PIK3C3: variants seen among roughly 807,000 people sequenced by gnomAD.
The protein encoded by PIK3C3 is phosphatidylinositol 3-kinase catalytic subunit type 3.
Under a neutral mutation model 126.1 loss-of-function variants are expected in PIK3C3, and 95 were observed. That is an observed-to-expected ratio of 0.75 (90% CI 0.64 to 0.89). The LOEUF is 0.89. Ranked by LOEUF, PIK3C3 falls within the 40% of genes least tolerant of loss-of-function variation. The probability of loss-of-function intolerance (pLI) is 0.00; values close to 1 mark genes in which losing one functional copy is unlikely to be tolerated. For missense variants in PIK3C3, 829 were observed against 1,063.2 expected (o/e 0.78, Z 3.06); for synonymous variants, 374 against 360.0 (o/e 1.04, Z -0.44).
At chr18:42,067,946 A>G (rs1343411206) in intron 24 of PIK3C3, among the ~76,000 whole-genome samples, 5 of 152,244 alleles carry the variant, frequency 3.3e-5, no homozygotes, top group Non-Finnish European at 7.3e-5. Context: ...GTATCCACAG[A>G]TAAGTGAGGG....
chr18:41,990,903 G>A (rs1300978163), intron 6 of PIK3C3, among the ~76,000 whole-genome samples: 1 of 152,132 alleles, frequency 6.6e-6, no homozygotes, highest in African/African-American at 2.4e-5. Context: ...ATATTTCTAA[G>A]TGGTAGGCTA....
chr18:41,964,644 C>T (rs974640161), intron 3 of PIK3C3, among the ~76,000 whole-genome samples: 1 of 151,964 alleles, frequency 6.6e-6, no homozygotes, highest in Non-Finnish European at 1.5e-5. Flanking sequence ...AAGGATAATT[C>T]TTATTAGTCT....
intron 9 of PIK3C3, among the ~76,000 whole-genome samples, chr18:42,000,844 C>T (rs908567101): frequency 6.6e-6 from 1 of 152,120 alleles, no homozygotes; most frequent in East Asian, 1.9e-4. Flanking sequence ...GACCTGCCCA[C>T]GTGATTCAGT....
chr18:41,965,446 T>C (rs1265061566), intron 3 of PIK3C3, among the ~76,000 whole-genome samples: 1 of 152,208 alleles, frequency 6.6e-6, no homozygotes, highest in Non-Finnish European at 1.5e-5. Context: ...TTAGTTTGGC[T>C]TCTGGCACGT....
intron 2 of PIK3C3, 85 bp downstream of exon 2, chr18:41,957,843 T>C: frequency 9.4e-7 from 1 of 1,064,706 alleles, no homozygotes; most frequent in Non-Finnish European, 1.4e-6. Flanking sequence ...AGTAGGATTA[T>C]AGAGGAATTT....
chr18:41,989,432 C>T (rs1981663289), intron 5 of PIK3C3, among the ~76,000 whole-genome samples: 3 of 152,128 alleles, frequency 2.0e-5, no homozygotes, highest in South Asian at 2.1e-4. Context: ...CCCGCTTAGA[C>T]TTCATTGTAT....
At chr18:42,016,139 C>T (rs1332295754) in intron 12 of PIK3C3, among the ~76,000 whole-genome samples, 2 of 151,986 alleles carry the variant, frequency 1.3e-5, no homozygotes, top group African/African-American at 4.8e-5. Flanking sequence ...ACAAGTAACA[C>T]ATGTTTTATT....
At chr18:41,968,819 T>C (rs1980503784) in intron 3 of PIK3C3, among the ~76,000 whole-genome samples, 1 of 138,464 alleles carries the variant, frequency 7.2e-6, no homozygotes, top group South Asian at 2.1e-4. Flanking sequence ...TTTTTTGTTG[T>C]TTTTTTTTTA....
chr18:42,053,624 TAGG>T (rs1984903934), intron 21 of PIK3C3, among the ~76,000 whole-genome samples: 1 of 152,126 alleles, frequency 6.6e-6, no homozygotes, highest in Non-Finnish European at 1.5e-5. Flanking sequence ...TCATTGTCCT[TAGG>T]AGAAGCTTTA....
intron 4 of PIK3C3, chr18:41,970,864 C>G (rs975451951): frequency 1.0e-4 from 22 of 219,172 alleles, no homozygotes; most frequent in Middle Eastern, 1.7e-3. Context: ...GTCTGGAAAT[C>G]TGTCAGGTTT....
At chr18:42,015,818 T>C (rs1192964620) in intron 12 of PIK3C3, among the ~76,000 whole-genome samples, 1 of 152,202 alleles carries the variant, frequency 6.6e-6, no homozygotes, top group Admixed American at 6.5e-5. Context: ...AAACTAGGCT[T>C]AAATATTTTA....
intron 4 of PIK3C3, among the ~76,000 whole-genome samples, chr18:41,977,775 A>T (rs1237651471): frequency 2.0e-5 from 3 of 152,208 alleles, no homozygotes; most frequent in Non-Finnish European, 4.4e-5. Context: ...GTGAGCCACC[A>T]TGCCTGGGCC....
At position 42,084,207 on chromosome 18, in the gene PIK3C3, A is replaced by T. The variant is rs1020407549; in HGVS notation, c.*3070A>T. 1 of 151,694 alleles carries T rather than the reference A, an allele frequency of 6.6e-6. No homozygotes were observed. The highest frequency in any genetic ancestry group is 2.1e-4 in the South Asian group (1 of 4,834). The allele number at this position is 151,694 out of a possible 1,614,324, so 9.4% of individuals were successfully genotyped here. A position where few individuals can be genotyped will look rare whatever the true frequency, so the allele number is the denominator to read the frequency against. On this transcript the variant is annotated 3_prime_UTR_variant, in exon 25 of 25. Transcript: ENST00000262039. ...ATATACCTTAAGTATATTTTTGCAC[A>T]TAAGTATAACATTGCGATTTAAAAC... is the stretch of plus-strand genomic sequence containing the variant.
At chr18:42,055,844 T>C (rs1985039895) in intron 21 of PIK3C3, among the ~76,000 whole-genome samples, 1 of 152,108 alleles carries the variant, frequency 6.6e-6, no homozygotes, top group Admixed American at 6.6e-5. Context: ...TCAAAGAGAA[T>C]AGTGTATGTT....
At chr18:41,990,156 ATG>A (rs1266895558) in intron 5 of PIK3C3, among the ~76,000 whole-genome samples, 3 of 152,184 alleles carry the variant, frequency 2.0e-5, no homozygotes, top group African/African-American at 7.2e-5. Context: ...TCTCATGAAC[ATG>A]TGTGCAAAAT....
chr18:42,078,628 A>G (rs1221266902), intron 24 of PIK3C3, among the ~76,000 whole-genome samples: 1 of 148,590 alleles, frequency 6.7e-6, no homozygotes, highest in African/African-American at 2.6e-5. Flanking sequence ...ACTTCCCTGT[A>G]GCGTGAAAGT....
At chr18:42,067,066 T>TA (rs897661321) in intron 23 of PIK3C3, among the ~76,000 whole-genome samples, 4 of 151,120 alleles carry the variant, frequency 2.6e-5, no homozygotes, top group African/African-American at 7.3e-5. Context: ...GATTTTAGAT[T>TA]AAAAAAAAAG....
At chr18:41,963,301 C>T (rs1174805993) in intron 3 of PIK3C3, among the ~76,000 whole-genome samples, 1 of 152,160 alleles carries the variant, frequency 6.6e-6, no homozygotes, top group Non-Finnish European at 1.5e-5. Context: ...CTTTCTTTCC[C>T]TTTACCGATT....
At chr18:42,050,996 C>T (rs1984777832) in intron 21 of PIK3C3, 1 of 152,258 alleles carries the variant, frequency 6.6e-6, no homozygotes, top group South Asian at 2.1e-4. Context: ...CTCCAATGCT[C>T]TCTACTTATT....
Sources: gnomAD v4.1 joint callset for allele counts (sites outside exome capture counted in the v4.1 genomes callset) on GRCh38, gnomAD v4.1.1 for gene constraint, MANE v1.5 for transcripts, NCBI Gene and HGNC (gene_info 2026-07-23, HGNC 2026-07-21) for gene names.